CCND3: variants seen among roughly 807,000 people sequenced by gnomAD.
The protein encoded by CCND3 is cyclin D3, also known as G1/S-specific cyclin-D3.
In CCND3, 9 loss-of-function variants were observed where a neutral mutation model predicts 28.7. That is an observed-to-expected ratio of 0.31 (90% CI 0.19 to 0.55). The LOEUF (loss-of-function observed/expected upper bound fraction) is 0.55. CCND3 is among the 20% of genes least tolerant of loss of function. The pLI is 0.93. For missense variants in CCND3, 315 were observed against 385.8 expected (o/e 0.82, Z 1.54); for synonymous variants, 164 against 163.9 (o/e 1.00, Z 0.00).
intron 1 of CCND3, among the ~76,000 whole-genome samples, chr6:42,014,436 T>G (rs1420645491): frequency 1.3e-5 from 2 of 152,000 alleles, no homozygotes; most frequent in Non-Finnish European, 2.9e-5. Flanking sequence ...ATGGCAACAA[T>G]ATATTAACTC....
intron 1 of CCND3, among the ~76,000 whole-genome samples, chr6:41,999,711 T>C (rs1460505571): frequency 6.6e-6 from 1 of 151,938 alleles, no homozygotes; most frequent in Non-Finnish European, 1.5e-5. Flanking sequence ...CCTGTCAACA[T>C]AGTGAGACGT....
chr6:41,943,159 G>C (rs1038517450), upstream of CCND3, among the ~76,000 whole-genome samples: 17 of 151,954 alleles, frequency 1.1e-4, no homozygotes, highest in Non-Finnish European at 2.5e-4. Flanking sequence ...ACCGTTCCCG[G>C]CCGAATTATT....
intron 1 of CCND3, among the ~76,000 whole-genome samples, chr6:41,979,171 CA>C (rs58797317): frequency 6.1e-4 from 53 of 87,520 alleles, no homozygotes; most frequent in African/African-American, 2.1e-3. Context: ...AACTCTGTCT[CA>C]AAAAAAAAAA....
chr6:42,046,979 T>C (rs994782269), intron 1 of CCND3, among the ~76,000 whole-genome samples: 5 of 152,266 alleles, frequency 3.3e-5, no homozygotes, highest in Middle Eastern at 3.2e-3. Flanking sequence ...TTATCTCCAG[T>C]GCCTGCGTTT....
chr6:41,978,538 A>G (rs765796708), intron 1 of CCND3, among the ~76,000 whole-genome samples: 2 of 152,132 alleles, frequency 1.3e-5, no homozygotes, highest in South Asian at 4.1e-4. Flanking sequence ...CTTAGTCTCA[A>G]CAATAACAAC....
intron 1 of CCND3, among the ~76,000 whole-genome samples, chr6:42,018,702 A>G (rs1005906744): frequency 1.3e-5 from 2 of 151,442 alleles, no homozygotes; most frequent in African/African-American, 2.4e-5. Context: ...GACCAGCCTG[A>G]CCAACATGGA....
At position 41,936,968 on chromosome 6, in the gene CCND3, G is replaced by A; in HGVS notation, c.574+267C>T. The A allele has an allele frequency of 1.7e-6, 1 of 594,544 alleles. No individual in the cohort carries two copies. The highest frequency in any genetic ancestry group is 3.0e-6 in the Non-Finnish European group (1 of 336,268). 36.8% of individuals were successfully genotyped at this position (594,544 alleles called of 1,614,324 possible). A position where few individuals can be genotyped will look rare whatever the true frequency, so the allele number is the denominator to read the frequency against. ...GGAACACAACTAGGGCCAAGAGACT[G>A]GGGTTCTGTTCCCAACCTGTTCACT... On this transcript the variant is annotated intron_variant, in intron 3 of 4. Coordinates refer to ENST00000372991, the MANE Select transcript of CCND3 (RefSeq NM_001760.5). The surrounding 1 kb of genome is among the most constrained non-coding windows in gnomAD (Gnocchi z 4.4).
At chr6:41,983,701 A>G (rs926610021) in intron 1 of CCND3, among the ~76,000 whole-genome samples, 1 of 152,004 alleles carries the variant, frequency 6.6e-6, no homozygotes, top group African/African-American at 2.4e-5. Flanking sequence ...TTAGCTGGGT[A>G]TGGTGGTGCC....
At chr6:41,998,689 T>C (rs1481521135) in intron 1 of CCND3, among the ~76,000 whole-genome samples, 1 of 151,816 alleles carries the variant, frequency 6.6e-6, no homozygotes, top group Non-Finnish European at 1.5e-5. Flanking sequence ...TTATTATTTT[T>C]TTTTTTTGAG....
chr6:41,935,648 T>G lies in CCND3; in HGVS notation c.*292A>C. On this transcript the variant is annotated 3_prime_UTR_variant, in exon 5 of 5. Coordinates refer to ENST00000372991, the MANE Select transcript of CCND3 (RefSeq NM_001760.5). ...GGGGCGTTCAAAAGGAATGCTGGTGTATGTATCCAATTCTGTCCCATCAGC... is the reference window on the plus strand; with the variant it reads ...GGGGCGTTCAAAAGGAATGCTGGTGGATGTATCCAATTCTGTCCCATCAGC... 2 of 484,996 alleles carry G rather than the reference T, an allele frequency of 4.1e-6. No individual in the cohort carries two copies. Among genetic ancestry groups the G allele is most frequent in the South Asian group, 4.1e-5 (1 of 24,566 alleles). The allele number at this position is 484,996 out of a possible 1,614,324, so 30.0% of individuals were successfully genotyped here.
intron 1 of CCND3, among the ~76,000 whole-genome samples, chr6:42,036,377 C>CTATATATATATATATATA (rs1162806893): frequency 6.7e-5 from 4 of 59,586 alleles, no homozygotes; most frequent in South Asian, 9.8e-4. Context: ...TGCATATATA[C>CTATATATATATATATATA]TATATATATA....
chr6:42,048,581 G>A lies in CCND3; in HGVS notation c.-126C>T, dbSNP rs11552783. 0.2 allele frequency: 104,618 copies of A among 513,272 alleles called. 11,959 individuals are homozygous for A. The highest frequency in any genetic ancestry group is 0.31 in the Middle Eastern group (980 of 3,132). 31.8% of individuals were successfully genotyped at this position (513,272 alleles called of 1,614,324 possible). ...CGCCGCCTCCGGAGCCTGCCTTTGG[G>A]GAGTGGGGGTGGTCGCAACCACCAG... is the stretch of plus-strand genomic sequence containing the variant. On this transcript the variant is annotated 5_prime_UTR_variant, in exon 1 of 5. Transcript: ENST00000372988. The surrounding 1 kb of genome is among the most constrained non-coding windows in gnomAD (Gnocchi z 4.7).
At chr6:42,009,738 TGG>T (rs2127426758) in intron 1 of CCND3, among the ~76,000 whole-genome samples, 1 of 151,664 alleles carries the variant, frequency 6.6e-6, no homozygotes, top group East Asian at 1.9e-4. Flanking sequence ...ACCCAGGAGG[TGG>T]AGGTTGCAGT....
intron 1 of CCND3, among the ~76,000 whole-genome samples, chr6:42,042,682 C>G (rs12200388): frequency 0.12 from 17,844 of 152,142 alleles, 1,373 homozygotes; most frequent in East Asian, 0.23. Flanking sequence ...CCTGCAGTCT[C>G]TCTGCCTCCC....
chr6:42,028,797 C>T (rs139966824), intron 1 of CCND3, among the ~76,000 whole-genome samples: 3 of 152,318 alleles, frequency 2.0e-5, no homozygotes, highest in East Asian at 1.9e-4. Context: ...TGAGATTATG[C>T]GTGGTAAGCA....
At chr6:41,956,520 C>T (rs1412736634) in intron 1 of CCND3, among the ~76,000 whole-genome samples, 2 of 152,136 alleles carry the variant, frequency 1.3e-5, no homozygotes, top group Non-Finnish European at 1.5e-5. Context: ...TTGCAACTTA[C>T]ACATGTTTAT....
chr6:41,978,905 G>T (rs1232515767), intron 1 of CCND3, among the ~76,000 whole-genome samples: 1 of 151,890 alleles, frequency 6.6e-6, no homozygotes, highest in Non-Finnish European at 1.5e-5. Context: ...TGGCTGGGTG[G>T]GGTGGCTCAC....
chr6:42,021,953 G>A (rs1763723601), intron 1 of CCND3, among the ~76,000 whole-genome samples: 1 of 152,132 alleles, frequency 6.6e-6, no homozygotes, highest in Non-Finnish European at 1.5e-5. Flanking sequence ...GAAGGAGGCT[G>A]GCAGCCACAG....
In CCND3 at chr6:41,941,194, G is replaced by C; in HGVS notation, c.198+258C>G. ...AAGCCGAAGGGGAGAGAGTGTCCTTGGTCCCGTTTGCTCGGCCCGAAGAGA... is the reference window on the plus strand; with the variant it reads ...AAGCCGAAGGGGAGAGAGTGTCCTTCGTCCCGTTTGCTCGGCCCGAAGAGA... On this transcript the variant is annotated intron_variant, in intron 1 of 4. Transcript: ENST00000372991. This position sits in a 1 kb window ranked among gnomAD's most constrained non-coding sequence, Gnocchi z 6.1. 1 of 1,440,354 alleles carries C rather than the reference G, an allele frequency of 6.9e-7. No homozygotes were observed. Among genetic ancestry groups the C allele is most frequent in the Non-Finnish European group, 9.1e-7 (1 of 1,101,868 alleles). The allele number at this position is 1,440,354 out of a possible 1,614,324, so 89.2% of individuals were successfully genotyped here.
Sources: allele counts gnomAD v4.1 joint callset (sites outside exome capture counted in the v4.1 genomes callset), GRCh38; gene constraint gnomAD v4.1.1; non-coding constraint Gnocchi (gnomAD v3.1); transcripts MANE v1.5; gene names NCBI Gene and HGNC (gene_info 2026-07-23, HGNC 2026-07-21).